NHS: variants seen among roughly 807,000 people sequenced by gnomAD.
The protein encoded by NHS is actin remodeling regulator NHS.
A neutral mutation model predicts 72.5 loss-of-function variants in NHS; 5 were observed. The ratio of observed to expected loss-of-function variants is 0.07; its 90% confidence interval spans 0.04 to 0.14. The LOEUF is 0.14. Among genes scored for constraint, NHS ranks in the 10% least tolerant of loss-of-function variants. The pLI, the probability that NHS is intolerant of heterozygous loss-of-function variation, is 1.00. For missense variants in NHS, 1,072 were observed against 1,355.7 expected (o/e 0.79, Z 3.29); for synonymous variants, 464 against 547.7 (o/e 0.85, Z 2.13).
chrX:17,698,716 T>C (rs1321792785), intron 3 of NHS, among the ~76,000 whole-genome samples: 1 of 111,554 alleles, frequency 9.0e-6, no homozygotes. Flanking sequence ...TATAACATCA[T>C]ATTATATTAG....
chrX:17,491,299 C>T (rs2064989858), intron 1 of NHS, among the ~76,000 whole-genome samples: 1 of 110,988 alleles, frequency 9.0e-6, no homozygotes, highest in African/African-American at 3.3e-5. Flanking sequence ...AGATACGTTC[C>T]GTCAACATTA....
At chrX:17,704,635 C>A (rs1191132393) in intron 3 of NHS, among the ~76,000 whole-genome samples, 1 of 111,512 alleles carries the variant, frequency 9.0e-6, no homozygotes, top group Non-Finnish European at 1.9e-5. Flanking sequence ...ATCAAGCAGA[C>A]CTTTGATGAC....
At chrX:17,523,626 G>C (rs1416135985) in intron 1 of NHS, among the ~76,000 whole-genome samples, 1 of 111,653 alleles carries the variant, frequency 9.0e-6, no homozygotes, top group East Asian at 2.8e-4. Flanking sequence ...ACACAGAAGA[G>C]GGAAAACAGA....
At chrX:17,555,415 T>C (rs1394974262) in intron 1 of NHS, among the ~76,000 whole-genome samples, 1 of 110,189 alleles carries the variant, frequency 9.1e-6, no homozygotes, top group Non-Finnish European at 1.9e-5. Flanking sequence ...AGCTTGACAG[T>C]GCCCAGATGC....
At chrX:17,589,935 TG>T (rs1351662495) in intron 1 of NHS, among the ~76,000 whole-genome samples, 1 of 112,082 alleles carries the variant, frequency 8.9e-6, no homozygotes, top group African/African-American at 3.2e-5. Flanking sequence ...TGATCATCAG[TG>T]ATGTTGAGCA....
At chrX:17,702,636 G>A (rs1454337545) in intron 3 of NHS, among the ~76,000 whole-genome samples, 2 of 111,454 alleles carry the variant, frequency 1.8e-5, no homozygotes, top group African/African-American at 6.5e-5. Context: ...GCAGTGAGCC[G>A]AGATTGCACC....
intron 1 of NHS, among the ~76,000 whole-genome samples, chrX:17,457,005 G>C (rs962000171): frequency 8.9e-6 from 1 of 111,741 alleles, no homozygotes; most frequent in Non-Finnish European, 1.9e-5. Context: ...CCCTTGAGGG[G>C]GTCAGCTTTT....
intron 1 of NHS, among the ~76,000 whole-genome samples, chrX:17,585,154 C>T (rs947299288): frequency 1.8e-5 from 2 of 111,406 alleles, no homozygotes; most frequent in Non-Finnish European, 3.8e-5. Context: ...AGTAGCCCGT[C>T]TCCAAACTGT....
intron 1 of NHS, among the ~76,000 whole-genome samples, chrX:17,607,238 T>C (rs934108359): frequency 1.5e-4 from 17 of 111,890 alleles, no homozygotes; most frequent in African/African-American, 5.2e-4. Context: ...AAGTGGAGGA[T>C]GTTTTTGTTC....
intron 1 of NHS, chrX:17,425,982 G>A (rs1347431438): frequency 8.9e-6 from 1 of 112,185 alleles, no homozygotes; most frequent in Non-Finnish European, 1.9e-5. Flanking sequence ...AGTGTGTGCT[G>A]CTAGGATTTT....
Position 17,420,858 on chromosome X carries a change from G to A in NHS, c.565+44536G>A, listed in dbSNP as rs188362102. On this transcript the variant is annotated intron_variant, in intron 1 of 8. Coordinates refer to ENST00000676302, the MANE Select transcript of NHS (RefSeq NM_001291867.2). ...ATAGTTATCATTAAAAAAATACTAA[G>A]TTCTCCTTTGGCAACTGTATATTGT... Among the ~76,000 whole-genome samples the A allele has an allele frequency of 1.1e-4, 12 of 111,095 alleles. No individual in the cohort carries two copies. In the East Asian group the frequency reaches 1.4e-3, roughly 13 times the overall value.
chrX:17,722,939 C>T (rs1307869680), intron 5 of NHS, among the ~76,000 whole-genome samples: 5 of 111,607 alleles, frequency 4.5e-5, no homozygotes, highest in Admixed American at 9.5e-5. Flanking sequence ...ATTTCAGGAA[C>T]TCTCTGATTA....
Position 17,691,515 on chromosome X carries a change from A to C in NHS, c.719-820A>C, listed in dbSNP as rs957813846. 9.7e-4 allele frequency among the ~76,000 whole-genome samples: 109 copies of C among 111,915 alleles called. No homozygotes were observed. The Middle Eastern group carries it at 0.014, about 14-fold the overall frequency. On this transcript the variant is annotated intron_variant, in intron 2 of 8. Coordinates refer to ENST00000676302, the MANE Select transcript of NHS (RefSeq NM_001291867.2). ...GATGGGGAATACTATCACATCTTCT[A>C]GACACAGACACTACGTTCAGGCAGC...
intron 1 of NHS, among the ~76,000 whole-genome samples, chrX:17,566,310 C>T: frequency 9.0e-6 from 1 of 111,579 alleles, no homozygotes; most frequent in Non-Finnish European, 1.9e-5. Flanking sequence ...CACTGAACAT[C>T]TCTTTTGATC....
intron 1 of NHS, among the ~76,000 whole-genome samples, chrX:17,566,820 T>C (rs946798849): frequency 1.8e-5 from 2 of 111,320 alleles, no homozygotes; most frequent in African/African-American, 6.5e-5. Flanking sequence ...CAATGGGATG[T>C]ACTGTGAACA....
intron 1 of NHS, among the ~76,000 whole-genome samples, chrX:17,609,630 G>A (rs1212447848): frequency 1.8e-5 from 2 of 111,998 alleles, no homozygotes. Context: ...AGAGATGATG[G>A]GGTTTGATTT....
At chrX:17,599,335 C>A (rs925310060) in intron 1 of NHS, among the ~76,000 whole-genome samples, 1 of 111,796 alleles carries the variant, frequency 8.9e-6, no homozygotes, top group Non-Finnish European at 1.9e-5. Flanking sequence ...AATTCACAAT[C>A]CCACCAGCAG....
chrX:17,663,185 C>T (rs1367988545), intron 1 of NHS, among the ~76,000 whole-genome samples: 1 of 111,471 alleles, frequency 9.0e-6, no homozygotes, highest in Non-Finnish European at 1.9e-5. Flanking sequence ...TAGCATCCAA[C>T]ATGTCATTTC....
At chrX:17,448,649 C>G (rs2064792929) in intron 1 of NHS, among the ~76,000 whole-genome samples, 2 of 111,910 alleles carry the variant, frequency 1.8e-5, no homozygotes, top group Admixed American at 1.9e-4. Context: ...TGAGGTTCCT[C>G]TCCTTGTTTT....
Sources: gnomAD v4.1 joint callset for allele counts (sites outside exome capture counted in the v4.1 genomes callset) on GRCh38, gnomAD v4.1.1 for gene constraint, MANE v1.5 for transcripts, NCBI Gene and HGNC (gene_info 2026-07-23, HGNC 2026-07-21) for gene names.